Variants in PBX3 observed in about 807,000 individuals in gnomAD.
PBX3 encodes the protein pre-B-cell leukemia transcription factor 3.
Under a neutral mutation model 48.5 loss-of-function variants are expected in PBX3, and 14 were observed. The ratio of observed to expected loss-of-function variants is 0.29; its 90% CI spans 0.19 to 0.45. The LOEUF is 0.45. PBX3 is among the 20% of genes least tolerant of loss of function. PBX3 has a pLI of 1.00. For synonymous variants in PBX3, 210 were observed against 200.3 expected, an observed-to-expected ratio of 1.05 and a Z score of -0.41; for missense variants, 386 against 546.7, an observed-to-expected ratio of 0.71 and a Z score of 2.93.
At chr9:125,800,393 T>C (rs1837904580) in intron 2 of PBX3, among the ~76,000 whole-genome samples, 1 of 152,226 alleles carries the variant, frequency 6.6e-6, no homozygotes, top group African/African-American at 2.4e-5. Flanking sequence ...TGGGAGTTCT[T>C]ACACTGTAAT....
At chr9:125,832,418 A>G (rs1343637626) in intron 2 of PBX3, among the ~76,000 whole-genome samples, 1 of 152,116 alleles carries the variant, frequency 6.6e-6, no homozygotes, top group Non-Finnish European at 1.5e-5. Context: ...GATGGTCTCG[A>G]TCTCCTTACC....
At chr9:125,843,909 G>T (rs1839355848) in intron 2 of PBX3, 1 of 387,002 alleles carries the variant, frequency 2.6e-6, no homozygotes, top group Non-Finnish European at 5.3e-6. Context: ...GTAGTATGGA[G>T]AGATGAGGTG....
At chr9:125,829,874 G>A (rs1838909643) in intron 2 of PBX3, among the ~76,000 whole-genome samples, 1 of 152,206 alleles carries the variant, frequency 6.6e-6, no homozygotes, top group Admixed American at 6.5e-5. Context: ...TCTGGAACCA[G>A]TTGCAATACA....
At chr9:125,882,019 A>G (rs1840393599) in intron 2 of PBX3, among the ~76,000 whole-genome samples, 1 of 151,964 alleles carries the variant, frequency 6.6e-6, no homozygotes, top group African/African-American at 2.4e-5. Flanking sequence ...TGGGCAACAT[A>G]ATGAGACTTC....
intron 2 of PBX3, among the ~76,000 whole-genome samples, chr9:125,770,335 A>G (rs574323062): frequency 6.6e-6 from 1 of 152,294 alleles, no homozygotes; most frequent in Non-Finnish European, 1.5e-5. Flanking sequence ...TAAATACATA[A>G]TGTTGATTCT....
At chr9:125,933,060 T>A (rs960338504) in intron 4 of PBX3, among the ~76,000 whole-genome samples, 1 of 152,218 alleles carries the variant, frequency 6.6e-6, no homozygotes, top group Non-Finnish European at 1.5e-5. Flanking sequence ...TACAGGATGC[T>A]TTCTAAAAAA....
chr9:125,872,326 G>A (rs1840144210), intron 2 of PBX3, among the ~76,000 whole-genome samples: 1 of 151,978 alleles, frequency 6.6e-6, no homozygotes, highest in African/African-American at 2.4e-5. Flanking sequence ...CAAACAAATA[G>A]GTACCAAACA....
chr9:125,790,053 C>G (rs1055294609), intron 2 of PBX3, among the ~76,000 whole-genome samples: 2 of 152,102 alleles, frequency 1.3e-5, no homozygotes, highest in Non-Finnish European at 2.9e-5. Flanking sequence ...GACAAGTTAT[C>G]TGAAGACATC....
In PBX3 at chr9:125,925,323, A is replaced by G. The variant is rs545011414; in HGVS notation, c.517-4332A>G. 3.3e-5 allele frequency among the ~76,000 whole-genome samples: 5 copies of G among 152,324 alleles called. No individual in the cohort carries two copies. The East Asian group carries it at 9.6e-4, about 29-fold the overall frequency. ...TGGCAGCCACTAGCCACTTGTATCT[A>G]ATGAGCACTTGAAGTCTGACTAGTC... On this transcript the variant is annotated intron_variant, in intron 3 of 8. Coordinates refer to ENST00000373489, the MANE Select transcript of PBX3 (RefSeq NM_006195.6).
chr9:125,933,340 C>T (rs987093811), intron 4 of PBX3, among the ~76,000 whole-genome samples: 1 of 152,196 alleles, frequency 6.6e-6, no homozygotes, highest in African/African-American at 2.4e-5. Flanking sequence ...TCCGTCTCCT[C>T]TTCCAGTAGA....
intron 2 of PBX3, among the ~76,000 whole-genome samples, chr9:125,847,596 A>C (rs2132249519): frequency 6.6e-6 from 1 of 152,160 alleles, no homozygotes; most frequent in East Asian, 1.9e-4. Flanking sequence ...AAAATACTGA[A>C]AGAATAAAGA....
At position 125,747,511 on chromosome 9, in the gene PBX3, T is replaced by C; in HGVS notation, c.58T>C (p.Ser20Pro). The change falls in exon 1 of 9, where the codon TCG becomes CCG. Residue 20 changes from serine (S) to proline (P), a missense_variant. Physicochemically the swap from Ser to Pro is moderately conservative, Grantham distance 74. Around this residue, in one of 4 missense-constraint regions of PBX3, gnomAD observed 116 missense variants for 98.2 expected, o/e 1.18. Transcript: ENST00000373489. ...GGCCGGGGTGAACCTGGCTGGCCAC[T>C]CGGTGCAGGGGGGCATGGCCCTGCC... is the stretch of plus-strand genomic sequence containing the variant. ...TLAGVNLAGH[S>P]VQGGMALPPP... is the part of the protein sequence containing the mutation. The C allele has an allele frequency of 6.3e-7, 1 of 1,587,578 alleles. No individual in the cohort carries two copies. Among genetic ancestry groups the C allele is most frequent in the Non-Finnish European group, 8.6e-7 (1 of 1,168,378 alleles).
intron 2 of PBX3, chr9:125,748,905 C>T: frequency 3.2e-6 from 1 of 314,508 alleles, no homozygotes; most frequent in Non-Finnish European, 6.0e-6. Flanking sequence ...GGAGCGCCAG[C>T]CGCCCTCTTC....
intron 2 of PBX3, among the ~76,000 whole-genome samples, chr9:125,782,393 C>T (rs942751746): frequency 6.6e-6 from 1 of 152,134 alleles, no homozygotes; most frequent in African/African-American, 2.4e-5. Flanking sequence ...TGGGTAGGGA[C>T]ACAGCCAAAC....
chr9:125,872,210 A>C (rs965806136), intron 2 of PBX3, among the ~76,000 whole-genome samples: 12 of 152,218 alleles, frequency 7.9e-5, no homozygotes, highest in Non-Finnish European at 1.6e-4. Context: ...TAGAAAGTAT[A>C]AAATGATTTG....
intron 2 of PBX3, among the ~76,000 whole-genome samples, chr9:125,876,074 A>G (rs757330726): frequency 2.0e-5 from 3 of 152,116 alleles, no homozygotes; most frequent in Non-Finnish European, 4.4e-5. Context: ...AATTCCTCAT[A>G]TCATTTTCTG....
intron 4 of PBX3, among the ~76,000 whole-genome samples, chr9:125,932,248 G>A (rs1156503693): frequency 1.3e-5 from 2 of 152,128 alleles, no homozygotes; most frequent in Admixed American, 1.3e-4. Context: ...CATCGTTCCG[G>A]ATCTGGTCTA....
chr9:125,909,140 C>T (rs543643133), intron 2 of PBX3, among the ~76,000 whole-genome samples: 1 of 152,226 alleles, frequency 6.6e-6, no homozygotes, highest in Non-Finnish European at 1.5e-5. Flanking sequence ...TTGCACAGTC[C>T]ATCTGCTCCT....
chr9:125,941,275 G>A (rs1841953655), intron 5 of PBX3, among the ~76,000 whole-genome samples: 1 of 152,180 alleles, frequency 6.6e-6, no homozygotes, highest in African/African-American at 2.4e-5. Flanking sequence ...CCTGAGCAAG[G>A]GAGCAAGTAG....
Sources: allele counts gnomAD v4.1 joint callset (sites outside exome capture counted in the v4.1 genomes callset), GRCh38; gene constraint gnomAD v4.1.1; regional missense constraint gnomAD v4.1.1; transcripts MANE v1.5; gene names NCBI Gene and HGNC (gene_info 2026-07-23, HGNC 2026-07-21).